Variants in MYO16 observed in about 807,000 individuals in gnomAD.
The protein encoded by MYO16 is unconventional myosin-XVI.
MYO16 carries 94 observed loss-of-function variants against 205.3 expected under a neutral mutation model. The observed-to-expected ratio is 0.46, with a 90% CI of 0.39 to 0.54. The LOEUF is 0.54. Among genes scored for constraint, MYO16 ranks in the 20% least tolerant of loss-of-function variants. The probability of loss-of-function intolerance (pLI) is 0.00; values close to 1 mark genes in which losing one functional copy is unlikely to be tolerated. For synonymous variants in MYO16, 988 were observed against 954.0 expected, an observed-to-expected ratio of 1.04 and a Z score of -0.66; for missense variants, 2,315 against 2,387.5, an observed-to-expected ratio of 0.97 and a Z score of 0.63.
the MYO16 span, among the ~76,000 whole-genome samples, chr13:108,556,981 A>T: frequency 6.6e-6 from 1 of 152,060 alleles, no homozygotes; most frequent in Non-Finnish European, 1.5e-5. Flanking sequence ...ATTTTGTTCC[A>T]TTAGCCTATG....
At chr13:109,019,974 CT>C (rs765472526) in intron 23 of MYO16, 63 bp downstream of exon 23, 71 of 1,487,474 alleles carry the variant, frequency 4.8e-5, no homozygotes, top group Non-Finnish European at 6.2e-5. Context: ...TTGGGACAAG[CT>C]CTAGAGTTAT....
intron 22 of MYO16, among the ~76,000 whole-genome samples, chr13:109,013,837 TTTAAG>T (rs1302423295): frequency 1.3e-5 from 2 of 152,214 alleles, no homozygotes; most frequent in Non-Finnish European, 2.9e-5. Flanking sequence ...TGTAAATTTG[TTTAAG>T]TTCTTTGTAG....
chr13:108,498,878 C>T, the MYO16 span, among the ~76,000 whole-genome samples: 1 of 152,188 alleles, frequency 6.6e-6, no homozygotes, highest in Non-Finnish European at 1.5e-5. Flanking sequence ...TAGGGAGGCA[C>T]ACCCATTCCA....
At chr13:108,911,415 A>T (rs1566407055) in intron 16 of MYO16, among the ~76,000 whole-genome samples, 1 of 152,138 alleles carries the variant, frequency 6.6e-6, no homozygotes, top group Non-Finnish European at 1.5e-5. Context: ...ACCAGGTAGT[A>T]CCTGTGGTAG....
chr13:108,607,074 A>G (rs1175967566), intron 1 of MYO16, among the ~76,000 whole-genome samples: 2 of 152,190 alleles, frequency 1.3e-5, no homozygotes, highest in African/African-American at 4.8e-5. Context: ...TACTTACCCA[A>G]TGCCTGTATC....
intron 23 of MYO16, among the ~76,000 whole-genome samples, chr13:109,023,085 CAT>C (rs1886151292): frequency 7.7e-6 from 1 of 130,218 alleles, no homozygotes; most frequent in Admixed American, 8.6e-5. Context: ...TATATATACA[CAT>C]GTAAATATGT....
chr13:108,612,074 T>C (rs1879197262), intron 1 of MYO16, among the ~76,000 whole-genome samples: 1 of 150,778 alleles, frequency 6.6e-6, no homozygotes, highest in Non-Finnish European at 1.5e-5. Flanking sequence ...TCTTCACATA[T>C]ATATGCATGC....
chr13:108,668,439 A>T (rs1180481453), intron 2 of MYO16, among the ~76,000 whole-genome samples: 1 of 152,190 alleles, frequency 6.6e-6, no homozygotes, highest in Non-Finnish European at 1.5e-5. Context: ...ACCAAAACAA[A>T]TTATCACGAA....
intron 20 of MYO16, among the ~76,000 whole-genome samples, chr13:108,989,643 G>A (rs1884754708): frequency 6.6e-6 from 1 of 152,040 alleles, no homozygotes; most frequent in African/African-American, 2.4e-5. Flanking sequence ...GTCTTTAAAA[G>A]CATTTCTCAT....
chr13:109,179,321 A>G (rs1033871), intron 33 of MYO16, among the ~76,000 whole-genome samples: 23,032 of 152,188 alleles, frequency 0.15, 2,296 homozygotes, highest in Non-Finnish European at 0.22. Context: ...TTATCATTGT[A>G]TCTCCTTTGG....
At chr13:109,173,712 G>A (rs1879014256) in intron 33 of MYO16, among the ~76,000 whole-genome samples, 1 of 151,118 alleles carries the variant, frequency 6.6e-6, no homozygotes, top group African/African-American at 2.4e-5. Context: ...TGGCTAACAC[G>A]GTGAAACCCC....
At chr13:108,919,649 G>A (rs764741138) in intron 16 of MYO16, among the ~76,000 whole-genome samples, 6 of 152,220 alleles carry the variant, frequency 3.9e-5, no homozygotes, top group Non-Finnish European at 7.3e-5. Context: ...TGTGTTGAGA[G>A]AGAGTCAAAC....
At chr13:108,954,252 AT>A (rs369694749) in intron 16 of MYO16, among the ~76,000 whole-genome samples, 11 of 151,792 alleles carry the variant, frequency 7.2e-5, no homozygotes, top group South Asian at 6.2e-4. Context: ...TGTAAAAGAA[AT>A]TTTTTTTTGC....
chr13:108,672,180 A>G (rs1416284723), intron 2 of MYO16, among the ~76,000 whole-genome samples: 2 of 152,196 alleles, frequency 1.3e-5, no homozygotes. Context: ...GAAACAGTAT[A>G]ACGTCTCTAG....
In MYO16 at chr13:109,189,104, A is replaced by G. The variant is rs542342461; in HGVS notation, c.5415+9471A>G. Among the ~76,000 whole-genome samples the G allele has an allele frequency of 2.1e-5, 3 of 141,826 alleles. No individual in the cohort carries two copies. The South Asian group carries it at 6.5e-4, about 31-fold the overall frequency. 93.0% of individuals were successfully genotyped at this position (141,826 alleles called of 152,430 possible). A position where few individuals can be genotyped will look rare whatever the true frequency, so the allele number is the denominator to read the frequency against. Reference sequence around the variant, plus strand: ...AGCAAAATTCTGTCTAAAAAAAATGAAAAAAAAAAAGAAGGACACATCCAG... The same window carrying G: ...AGCAAAATTCTGTCTAAAAAAAATGGAAAAAAAAAAGAAGGACACATCCAG... On this transcript the variant is annotated intron_variant, in intron 34 of 34. Coordinates refer to ENST00000457511, the MANE Select transcript of MYO16 (RefSeq NM_001198950.3).
chr13:108,755,825 G>C (rs1232235410), intron 4 of MYO16, among the ~76,000 whole-genome samples: 1 of 152,158 alleles, frequency 6.6e-6, no homozygotes, highest in Non-Finnish European at 1.5e-5. Context: ...GTGAACTCTA[G>C]ATGTTCTTAA....
chr13:109,138,075 C>T (rs2139800043), intron 31 of MYO16, among the ~76,000 whole-genome samples: 1 of 152,328 alleles, frequency 6.6e-6, no homozygotes, highest in African/African-American at 2.4e-5. Flanking sequence ...TGGTTGAATG[C>T]ATATGACTGA....
chr13:108,627,814 G>T (rs192398162), upstream of MYO16, among the ~76,000 whole-genome samples: 214 of 152,182 alleles, frequency 1.4e-3, 4 homozygotes, highest in South Asian at 3.9e-3. Context: ...ATTGTCTTAA[G>T]ATGTTTGCTG....
intron 33 of MYO16, among the ~76,000 whole-genome samples, chr13:109,175,383 A>G (rs1162407119): frequency 2.0e-5 from 3 of 152,306 alleles, no homozygotes; most frequent in South Asian, 4.1e-4. Flanking sequence ...AGCAGGTTCT[A>G]TGGAGTGTCC....
Sources: allele counts gnomAD v4.1 joint callset (sites outside exome capture counted in the v4.1 genomes callset), GRCh38; gene constraint gnomAD v4.1.1; transcripts MANE v1.5; gene names NCBI Gene and HGNC (gene_info 2026-07-23, HGNC 2026-07-21).